Variants in ZMIZ1 observed in about 807,000 individuals in gnomAD.
ZMIZ1 encodes the protein zinc finger MIZ-type containing 1.
In ZMIZ1, 17 loss-of-function variants were observed where a neutral mutation model predicts 113.9. That is an observed-to-expected ratio of 0.15 (90% confidence interval 0.10 to 0.22). The LOEUF (loss-of-function observed/expected upper bound fraction) is 0.22, where lower values mean the gene tolerates loss of function less well. Ranked by LOEUF, ZMIZ1 falls within the 10% of genes least tolerant of loss-of-function variation. The pLI, the probability that ZMIZ1 is intolerant of heterozygous loss-of-function variation, is 1.00. For missense variants in ZMIZ1, 1,059 were observed against 1,477.8 expected, an observed-to-expected ratio of 0.72 and a Z score of 4.65; for synonymous variants, 607 against 603.1, an observed-to-expected ratio of 1.01 and a Z score of -0.09.
intron 1 of ZMIZ1, among the ~76,000 whole-genome samples, chr10:79,104,965 G>A (rs1483556567): frequency 6.6e-6 from 1 of 151,174 alleles, no homozygotes; most frequent in African/African-American, 2.4e-5. Flanking sequence ...GTGTGTGTGT[G>A]TGTGTGTGTG....
At chr10:79,145,270 G>C (rs1845432603) in intron 3 of ZMIZ1, among the ~76,000 whole-genome samples, 1 of 151,936 alleles carries the variant, frequency 6.6e-6, no homozygotes. Flanking sequence ...TTCCATCCCA[G>C]TGCTCCTCCT....
chr10:79,202,964 T>C (rs576722169), intron 5 of ZMIZ1, among the ~76,000 whole-genome samples: 3 of 152,236 alleles, frequency 2.0e-5, no homozygotes, highest in Non-Finnish European at 4.4e-5. Context: ...CGTAGGATGC[T>C]GTGAGGATGT....
intron 1 of ZMIZ1, among the ~76,000 whole-genome samples, chr10:79,070,384 A>G (rs1037993312): frequency 2.0e-5 from 3 of 151,274 alleles, no homozygotes; most frequent in African/African-American, 2.4e-5. Context: ...CTTCCCGGCC[A>G]TTGTGCGCCA....
intron 2 of ZMIZ1, among the ~76,000 whole-genome samples, chr10:79,121,901 C>T (rs1476944269): frequency 6.6e-6 from 1 of 152,170 alleles, no homozygotes; most frequent in Non-Finnish European, 1.5e-5. Flanking sequence ...CATGGCCCTT[C>T]GCACCTGCAT....
At chr10:79,101,870 G>A (rs1202341262) in intron 1 of ZMIZ1, among the ~76,000 whole-genome samples, 1 of 152,232 alleles carries the variant, frequency 6.6e-6, no homozygotes, top group Non-Finnish European at 1.5e-5. Context: ...GATGTGATGT[G>A]AGGAGCAGCT....
chr10:79,297,661 A>C lies in ZMIZ1; in HGVS notation c.1462A>C (p.Ser488Arg). The C allele has an allele frequency of 6.2e-7, 1 of 1,614,166 alleles. No homozygotes were observed. The highest frequency in any genetic ancestry group is 1.1e-5 in the South Asian group (1 of 91,092). Residue 488 changes from serine to arginine, a missense_variant, in exon 14 of 25, where the codon AGT (serine) becomes CGT (arginine). By Grantham distance (110) the Ser-to-Arg change is moderately radical. This residue lies in a region of ZMIZ1 where 239 missense variants were observed against 247.5 expected (regional missense o/e 0.97). Coordinates refer to ENST00000334512, the MANE Select transcript of ZMIZ1 (RefSeq NM_020338.4). ...TAACACGTTCTCGGGAAGCAGCTAC[A>C]GTAACTACAGCCAAGGGAATGTCAA... ...QNNTFSGSSY[S>R]NYSQGNVNRP... is the part of the protein sequence containing the mutation.
intron 4 of ZMIZ1, among the ~76,000 whole-genome samples, chr10:79,189,165 C>T (rs1260222766): frequency 6.6e-6 from 1 of 152,226 alleles, no homozygotes; most frequent in East Asian, 1.9e-4. Flanking sequence ...TTGTGACTGT[C>T]CTTTGCCACT....
At chr10:79,236,515 C>CTT in intron 7 of ZMIZ1, among the ~76,000 whole-genome samples, 1 of 152,330 alleles carries the variant, frequency 6.6e-6, no homozygotes, top group Non-Finnish European at 1.5e-5. Flanking sequence ...GTTGCCGTCT[C>CTT]TTCCCTTCAA....
rs942984561 is a variant in ZMIZ1 at position 79,307,322 on chromosome 10, AT to A, written c.2669-78del. 34 of 1,414,922 alleles carry A rather than the reference AT, an allele frequency of 2.4e-5. No individual in the cohort carries two copies. In the African/African-American group the frequency reaches 4.3e-4, roughly 18 times the overall value. 87.6% of individuals were successfully genotyped at this position (1,414,922 alleles called of 1,614,324 possible). A position where few individuals can be genotyped will look rare whatever the true frequency, so the allele number is the denominator to read the frequency against. ...GCAAGAGGAAAAGGACTTGGCTTGT[AT>A]TTTTACACACTCTCTGTTCCCTGGG... On this transcript the variant is annotated intron_variant, in intron 22 of 24. Transcript: ENST00000334512.
chr10:79,127,669 A>G (rs1051434515), intron 2 of ZMIZ1, among the ~76,000 whole-genome samples: 5 of 144,500 alleles, frequency 3.5e-5, no homozygotes, highest in Admixed American at 3.0e-4. Context: ...CAGGACTCCA[A>G]CCAGGCCCCT....
chr10:79,302,932 G>A (rs1398262807), intron 18 of ZMIZ1, among the ~76,000 whole-genome samples: 5 of 145,788 alleles, frequency 3.4e-5, no homozygotes, highest in Non-Finnish European at 5.9e-5. Context: ...TGCTATCTCC[G>A]CTCACTGCAA....
intron 5 of ZMIZ1, among the ~76,000 whole-genome samples, chr10:79,207,163 C>T (rs533123061): frequency 6.1e-4 from 93 of 152,298 alleles, no homozygotes; most frequent in African/African-American, 2.1e-3. Context: ...CCTGCCCTGG[C>T]GCTGGGGCAG....
At chr10:79,089,193 G>T (rs190996448) in intron 1 of ZMIZ1, among the ~76,000 whole-genome samples, 1 of 152,364 alleles carries the variant, frequency 6.6e-6, no homozygotes, top group East Asian at 1.9e-4. Flanking sequence ...AACTGGTGGG[G>T]TTCATTCCCA....
chr10:79,101,602 G>A (rs73296140), intron 1 of ZMIZ1, among the ~76,000 whole-genome samples: 2,769 of 152,252 alleles, frequency 0.018, 87 homozygotes, highest in African/African-American at 0.063. Context: ...CACAGGACCC[G>A]TGGGGTCAGG....
chr10:79,252,294 G>A (rs1850601760), intron 7 of ZMIZ1, among the ~76,000 whole-genome samples: 1 of 152,156 alleles, frequency 6.6e-6, no homozygotes, highest in Non-Finnish European at 1.5e-5. Context: ...ACATGGCGGT[G>A]TACCTTCTCA....
At chr10:79,218,991 G>C (rs1216555988) in intron 7 of ZMIZ1, among the ~76,000 whole-genome samples, 1 of 151,774 alleles carries the variant, frequency 6.6e-6, no homozygotes, top group African/African-American at 2.4e-5. Context: ...ATGGCTAAAT[G>C]CTCATTTTGT....
chr10:79,295,005 C>T (rs1853787058), intron 12 of ZMIZ1: 1 of 152,000 alleles, frequency 6.6e-6, no homozygotes, highest in African/African-American at 2.4e-5. Flanking sequence ...AACCCTCCAC[C>T]TGGTGGACAC....
chr10:79,094,137 G>A (rs984359879), intron 1 of ZMIZ1, among the ~76,000 whole-genome samples: 9 of 152,220 alleles, frequency 5.9e-5, no homozygotes, highest in African/African-American at 2.2e-4. Context: ...GCCTAATTGA[G>A]TAAGAGAGCG....
At chr10:79,231,672 G>C (rs954945683) in intron 7 of ZMIZ1, among the ~76,000 whole-genome samples, 1 of 152,056 alleles carries the variant, frequency 6.6e-6, no homozygotes, top group Non-Finnish European at 1.5e-5. Context: ...TCCGCCTCTC[G>C]TGTTCAAGTA....
Sources: gnomAD v4.1 joint callset for allele counts (sites outside exome capture counted in the v4.1 genomes callset) on GRCh38, gnomAD v4.1.1 for gene constraint, gnomAD v4.1.1 regional missense constraint, MANE v1.5 for transcripts, NCBI Gene and HGNC (gene_info 2026-07-23, HGNC 2026-07-21) for gene names.